The following ARHGAP39 variants were observed in gnomAD, a reference collection of about 807,000 sequenced individuals.
ARHGAP39 encodes the protein rho GTPase-activating protein 39.
A neutral mutation model predicts 106.9 loss-of-function variants in ARHGAP39; 44 were observed. That is an observed-to-expected ratio of 0.41 (90% CI 0.32 to 0.53). ARHGAP39 has a LOEUF of 0.53. Ranked by LOEUF, ARHGAP39 falls within the 20% of genes least tolerant of loss-of-function variation. The pLI, the probability that ARHGAP39 is intolerant of heterozygous loss-of-function variation, is 0.21. For synonymous variants in ARHGAP39, 768 were observed against 693.2 expected, an observed-to-expected ratio of 1.11 and a Z score of -1.69; for missense variants, 1,496 against 1,577.3, an observed-to-expected ratio of 0.95 and a Z score of 0.87.
At chr8:144,685,851 G>A (rs1295488315), upstream of ARHGAP39, among the ~76,000 whole-genome samples, 3 of 148,504 alleles carry the variant, frequency 2.0e-5, no homozygotes, top group Admixed American at 1.3e-4. Context: ...GTGCGCGGCG[G>A]CCGCGCGTCC....
Position 144,684,254 on chromosome 8 carries a change from T to C in ARHGAP39, c.-82+1432A>G, listed in dbSNP as rs1390387162. ...CCTGCGCCCAGGGCGGTTTATGGAA[T>C]GAGTCTCCTCGATTTACAGCCACAC... On this transcript the variant is annotated intron_variant, in intron 1 of 11. Coordinates refer to ENST00000377307, the MANE Select transcript of ARHGAP39 (RefSeq NM_025251.3). This position sits in a 1 kb window ranked among gnomAD's most constrained non-coding sequence, Gnocchi z 4.4. Among the ~76,000 whole-genome samples, 1 of 152,186 alleles carries C rather than the reference T, an allele frequency of 6.6e-6. No individual in the cohort carries two copies. Among genetic ancestry groups the C allele is most frequent in the African/African-American group, 2.4e-5 (1 of 41,452 alleles).
intron 1 of ARHGAP39, among the ~76,000 whole-genome samples, chr8:144,630,482 G>A (rs1821033184): frequency 6.6e-6 from 1 of 152,230 alleles, no homozygotes; most frequent in African/African-American, 2.4e-5. Flanking sequence ...CTCACCCACT[G>A]TGCTGAGCAC....
chr8:144,628,078 C>T (rs1320493352), intron 1 of ARHGAP39, among the ~76,000 whole-genome samples: 3 of 152,354 alleles, frequency 2.0e-5, no homozygotes, highest in East Asian at 3.9e-4. Context: ...GCATCGGGCA[C>T]AGCAGCCTCT....
chr8:144,602,343 C>A, intron 2 of ARHGAP39, among the ~76,000 whole-genome samples: 1 of 126,766 alleles, frequency 7.9e-6, no homozygotes, highest in South Asian at 2.6e-4. Context: ...GCTCGTGTAC[C>A]TGTATGCATG....
chr8:144,593,809 G>T (rs539621768), intron 2 of ARHGAP39, among the ~76,000 whole-genome samples: 2 of 152,272 alleles, frequency 1.3e-5, no homozygotes, highest in Non-Finnish European at 1.5e-5. Flanking sequence ...AAAAAGACAG[G>T]CTGGGTGCCG....
intron 1 of ARHGAP39, among the ~76,000 whole-genome samples, chr8:144,662,502 GCTCCCCGTCAGCA>G: frequency 8.7e-6 from 1 of 114,966 alleles, no homozygotes; most frequent in East Asian, 2.6e-4. Context: ...ACCTTGGACT[GCTCCCCGTCAGCA>G]TTATCCACCT....
intron 1 of ARHGAP39, among the ~76,000 whole-genome samples, chr8:144,631,893 T>C (rs1244375585): frequency 6.6e-6 from 1 of 152,218 alleles, no homozygotes; most frequent in Admixed American, 6.5e-5. Context: ...AGCAAGAGTC[T>C]AGGACCCAAC....
At chr8:144,530,667 G>A (rs1307741314) in intron 11 of ARHGAP39, 35 bp downstream of exon 11, 2 of 1,535,352 alleles carry the variant, frequency 1.3e-6, no homozygotes, top group East Asian at 2.4e-5. Flanking sequence ...GGGCGGGGAG[G>A]GGAAAGCAGC....
chr8:144,640,928 C>A (rs192532549), intron 1 of ARHGAP39, among the ~76,000 whole-genome samples: 4 of 152,330 alleles, frequency 2.6e-5, no homozygotes, highest in African/African-American at 9.6e-5. Flanking sequence ...ATGCTCTGTT[C>A]TAGTTGCTTT....
chr8:144,664,276 GCTC>G (rs1382863312), intron 1 of ARHGAP39, among the ~76,000 whole-genome samples: 4 of 152,230 alleles, frequency 2.6e-5, no homozygotes, highest in Admixed American at 2.6e-4. Flanking sequence ...GCTGCGGTCA[GCTC>G]CTAACTGGTC....
chr8:144,629,741 C>A (rs998086003), intron 1 of ARHGAP39, among the ~76,000 whole-genome samples: 1 of 152,022 alleles, frequency 6.6e-6, no homozygotes, highest in Non-Finnish European at 1.5e-5. Context: ...GTGGAGAGGA[C>A]GAGACTCGGG....
At chr8:144,550,712 C>T (rs916096125) in intron 4 of ARHGAP39, among the ~76,000 whole-genome samples, 1 of 152,226 alleles carries the variant, frequency 6.6e-6, no homozygotes, top group Non-Finnish European at 1.5e-5. Flanking sequence ...GATTTCTGCT[C>T]GTGGCTGCTG....
intron 6 of ARHGAP39, 121 bp downstream of exon 6, chr8:144,545,128 T>C (rs1224531413): frequency 9.7e-6 from 9 of 923,712 alleles, no homozygotes; most frequent in Non-Finnish European, 1.2e-5. Context: ...GGGAGGTGTG[T>C]GTCGAACCAT....
intron 4 of ARHGAP39, among the ~76,000 whole-genome samples, chr8:144,551,177 G>A (rs954756473): frequency 2.0e-5 from 3 of 151,446 alleles, no homozygotes; most frequent in African/African-American, 7.3e-5. Context: ...CCAGGGAGGC[G>A]CCTTTCTGCT....
Position 144,537,656 on chromosome 8 carries a change from C to T in ARHGAP39, c.2614+65G>A, listed in dbSNP as rs1223115846. On this transcript the variant is annotated intron_variant, in intron 7 of 11. Transcript: ENST00000377307. ...AGCGGTTAGAGAAGAGAAGGCCAGGCGGCCGAGGCTGGAGAGCAGAGCTGT... is the reference window on the plus strand; with the variant it reads ...AGCGGTTAGAGAAGAGAAGGCCAGGTGGCCGAGGCTGGAGAGCAGAGCTGT... 2.0e-5 allele frequency: 28 copies of T among 1,422,312 alleles called. No individual in the cohort carries two copies. The Middle Eastern group carries it at 5.6e-4, about 28-fold the overall frequency. 88.1% of individuals were successfully genotyped at this position (1,422,312 alleles called of 1,614,324 possible).
rs540812032 is a variant in ARHGAP39, at chr8:144,646,130, G to A, written c.-82+39556C>T. ...GCACCAAATGTCCGCCAGCAAGGAC[G>A]GACACATCGCAAGCTTGGAGCCTGC... On this transcript the variant is annotated intron_variant, in intron 1 of 11. Transcript: ENST00000377307. This position sits in a 1 kb window ranked among gnomAD's most constrained non-coding sequence, Gnocchi z 5.7. Among the ~76,000 whole-genome samples, 9 of 152,342 alleles carry A rather than the reference G, an allele frequency of 5.9e-5. No individual in the cohort carries two copies. The highest frequency in any genetic ancestry group is 4.1e-4 in the South Asian group (2 of 4,826).
At chr8:144,651,044 C>A (rs1409562211) in intron 1 of ARHGAP39, among the ~76,000 whole-genome samples, 1 of 152,160 alleles carries the variant, frequency 6.6e-6, no homozygotes, top group East Asian at 1.9e-4. Flanking sequence ...AAGCTGATAA[C>A]TTCATCAAAG....
rs1344837774 is a variant in ARHGAP39 at position 144,585,250 on chromosome 8, T to C, written c.81-3973A>G. Among the ~76,000 whole-genome samples, 1 of 152,054 alleles carries C rather than the reference T, an allele frequency of 6.6e-6. No individual in the cohort carries two copies. Among genetic ancestry groups the C allele is most frequent in the Non-Finnish European group, 1.5e-5 (1 of 67,988 alleles). On this transcript the variant is annotated intron_variant, in intron 2 of 11. Coordinates refer to ENST00000377307, the MANE Select transcript of ARHGAP39 (RefSeq NM_025251.3). The surrounding 1 kb of genome is among the most constrained non-coding windows in gnomAD (Gnocchi z 4.6). ...AGATGCAATGGCAGACTCACTCTTCTTCCCAAGGGCCTCACCTGTCTCCCT... is the reference window on the plus strand; with the variant it reads ...AGATGCAATGGCAGACTCACTCTTCCTCCCAAGGGCCTCACCTGTCTCCCT...
At chr8:144,566,593 T>C (rs545171264) in intron 3 of ARHGAP39, among the ~76,000 whole-genome samples, 8 of 152,286 alleles carry the variant, frequency 5.3e-5, no homozygotes, top group African/African-American at 1.9e-4. Context: ...TGGTAGCTCA[T>C]GCCTGTAATC....
Sources: allele counts gnomAD v4.1 joint callset (sites outside exome capture counted in the v4.1 genomes callset), GRCh38; gene constraint gnomAD v4.1.1; non-coding constraint Gnocchi (gnomAD v3.1); transcripts MANE v1.5; gene names NCBI Gene and HGNC (gene_info 2026-07-23, HGNC 2026-07-21).